The following FHOD3 variants were observed in gnomAD, a reference collection of about 807,000 sequenced individuals.
The protein encoded by FHOD3 is FH1/FH2 domain-containing protein 3.
Under a neutral mutation model 173.0 loss-of-function variants are expected in FHOD3, and 90 were observed. That is an observed-to-expected ratio of 0.52 (90% CI 0.44 to 0.62). The LOEUF is 0.62. Ranked by LOEUF, FHOD3 falls within the 20% of genes least tolerant of loss-of-function variation. The pLI, the probability that FHOD3 is intolerant of heterozygous loss-of-function variation, is 0.00. For missense variants in FHOD3, 1,945 were observed against 2,034.7 expected (o/e 0.96, Z 0.85); for synonymous variants, 828 against 823.0 (o/e 1.01, Z -0.10).
intron 3 of FHOD3, among the ~76,000 whole-genome samples, chr18:36,374,651 C>T (rs768119958): frequency 6.6e-6 from 1 of 152,178 alleles, no homozygotes; most frequent in Admixed American, 6.5e-5. Context: ...TCTTCAGCTC[C>T]GCTGGACTTC....
chr18:36,564,566 A>G (rs978970680), intron 5 of FHOD3, among the ~76,000 whole-genome samples: 3 of 152,180 alleles, frequency 2.0e-5, no homozygotes, highest in Admixed American at 6.5e-5. Context: ...GCTGTTGGGA[A>G]GATGAATGAA....
intron 10 of FHOD3, among the ~76,000 whole-genome samples, chr18:36,645,919 C>T (rs1007662920): frequency 1.3e-5 from 2 of 151,888 alleles, no homozygotes; most frequent in African/African-American, 4.8e-5. Context: ...AGATTTTTAG[C>T]AAACTAGGAT....
intron 14 of FHOD3, 107 bp from the exon 15 acceptor site, chr18:36,681,329 C>T: frequency 7.4e-7 from 1 of 1,356,496 alleles, no homozygotes; most frequent in Non-Finnish European, 1.0e-6. Context: ...CAAGCATTGC[C>T]TAGGTACCGG....
intron 7 of FHOD3, among the ~76,000 whole-genome samples, chr18:36,599,972 G>A (rs907407365): frequency 6.6e-6 from 1 of 151,698 alleles, no homozygotes; most frequent in African/African-American, 2.4e-5. Context: ...GGGTGGGGGT[G>A]GGGGGCAGTG....
At chr18:36,324,060 A>T (rs1304319549) in intron 1 of FHOD3, among the ~76,000 whole-genome samples, 1 of 152,258 alleles carries the variant, frequency 6.6e-6, no homozygotes, top group Non-Finnish European at 1.5e-5. Flanking sequence ...CAGTAGTCCC[A>T]CAAGGATAGA....
intron 5 of FHOD3, among the ~76,000 whole-genome samples, chr18:36,573,202 C>G (rs889415534): frequency 1.3e-5 from 2 of 148,778 alleles, no homozygotes; most frequent in Non-Finnish European, 3.0e-5. Context: ...GTAATCGATG[C>G]TCATGTTAGA....
At chr18:36,739,644 G>T in intron 20 of FHOD3, among the ~76,000 whole-genome samples, 1 of 152,116 alleles carries the variant, frequency 6.6e-6, no homozygotes. Flanking sequence ...ATCTTCGATT[G>T]CTTTCATCAG....
chr18:36,367,929 C>T (rs1020274848), intron 2 of FHOD3, among the ~76,000 whole-genome samples: 15 of 151,280 alleles, frequency 9.9e-5, no homozygotes, highest in African/African-American at 3.6e-4. Flanking sequence ...ACCGCTTTCT[C>T]CCCAGCCACC....
At chr18:36,614,533 T>C (rs747986869) in intron 9 of FHOD3, among the ~76,000 whole-genome samples, 1 of 152,246 alleles carries the variant, frequency 6.6e-6, no homozygotes. Flanking sequence ...AAATTGCTGG[T>C]CATATGGTAA....
chr18:36,347,031 C>T (rs1568152647), intron 1 of FHOD3, among the ~76,000 whole-genome samples: 1 of 152,172 alleles, frequency 6.6e-6, no homozygotes, highest in East Asian at 1.9e-4. Context: ...GATCAGGACA[C>T]AGTGTAGTGT....
chr18:36,374,281 C>T (rs2047328704), intron 3 of FHOD3, among the ~76,000 whole-genome samples: 1 of 152,152 alleles, frequency 6.6e-6, no homozygotes, highest in Non-Finnish European at 1.5e-5. Flanking sequence ...GACATCTTAT[C>T]CTGTGGCATG....
At chr18:36,550,315 G>A (rs2057597430) in intron 5 of FHOD3, among the ~76,000 whole-genome samples, 1 of 147,204 alleles carries the variant, frequency 6.8e-6, no homozygotes, top group Non-Finnish European at 1.5e-5. Context: ...CTGTTTGCCT[G>A]TCGTATTGCC....
chr18:36,545,997 C>T lies in FHOD3; in HGVS notation c.512-30454C>T, dbSNP rs116419246. On this transcript the variant is annotated intron_variant, in intron 5 of 28. Coordinates refer to ENST00000590592, the MANE Select transcript of FHOD3 (RefSeq NM_001281740.3). ...GAGAGAACCCTCCACATGTAATGTA[C>T]GGCTTGCCGTTTGGAAAACAACCAG... 2.2e-3 allele frequency among the ~76,000 whole-genome samples: 336 copies of T among 152,348 alleles called. 1 individual carries two copies. The highest frequency in any genetic ancestry group is 7.3e-3 in the African/African-American group (304 of 41,570).
intron 1 of FHOD3, among the ~76,000 whole-genome samples, chr18:36,310,739 T>C (rs145117572): frequency 1.6e-3 from 221 of 139,964 alleles, no homozygotes; most frequent in Non-Finnish European, 2.7e-3. Flanking sequence ...TTGGGAAAAA[T>C]CCACGTGGAC....
At chr18:36,687,331 A>G (rs1200094764) in intron 16 of FHOD3, among the ~76,000 whole-genome samples, 153 bp downstream of exon 16, 2 of 152,234 alleles carry the variant, frequency 1.3e-5, no homozygotes, top group South Asian at 2.1e-4. Flanking sequence ...CTAGTTACCT[A>G]AATTTTCCAA....
intron 20 of FHOD3, among the ~76,000 whole-genome samples, chr18:36,737,368 G>A (rs2041687267): frequency 6.6e-6 from 1 of 152,218 alleles, no homozygotes; most frequent in Non-Finnish European, 1.5e-5. Context: ...AGAAATTTTA[G>A]AGAAGCATTT....
intron 3 of FHOD3, among the ~76,000 whole-genome samples, chr18:36,437,624 T>G (rs2050878646): frequency 6.6e-6 from 1 of 151,174 alleles, no homozygotes; most frequent in Admixed American, 6.6e-5. Flanking sequence ...TCCACACTAG[T>G]AGTTGGGAAG....
chr18:36,758,630 C>T (rs868830763), intron 25 of FHOD3, among the ~76,000 whole-genome samples: 3 of 152,098 alleles, frequency 2.0e-5, no homozygotes, highest in South Asian at 2.1e-4. Context: ...AGGGATCCTG[C>T]GCTCGGGATG....
At chr18:36,413,755 T>C (rs902793900) in intron 3 of FHOD3, among the ~76,000 whole-genome samples, 2 of 152,222 alleles carry the variant, frequency 1.3e-5, no homozygotes, top group African/African-American at 2.4e-5. Context: ...TAGTAAAATA[T>C]ACATAACAGA....
Sources: gnomAD v4.1 joint callset for allele counts (sites outside exome capture counted in the v4.1 genomes callset) on GRCh38, gnomAD v4.1.1 for gene constraint, MANE v1.5 for transcripts, NCBI Gene and HGNC (gene_info 2026-07-23, HGNC 2026-07-21) for gene names.